Variants in FCHSD2 observed in about 807,000 individuals in gnomAD.
FCHSD2 encodes F-BAR and double SH3 domains protein 2.
FCHSD2 carries 38 observed loss-of-function variants against 108.1 expected under a neutral mutation model. The ratio of observed to expected loss-of-function variants is 0.35; its 90% CI spans 0.27 to 0.46. The LOEUF (loss-of-function observed/expected upper bound fraction) is 0.46. Ranked by LOEUF, FCHSD2 falls within the 20% of genes least tolerant of loss-of-function variation. The pLI is 1.00. For synonymous variants in FCHSD2, 279 were observed against 314.7 expected, an observed-to-expected ratio of 0.89 and a Z score of 1.20; for missense variants, 751 against 897.8, an observed-to-expected ratio of 0.84 and a Z score of 2.09.
intron 8 of FCHSD2, among the ~76,000 whole-genome samples, chr11:72,964,947 A>G (rs1171087318): frequency 2.0e-5 from 3 of 151,574 alleles, no homozygotes; most frequent in Non-Finnish European, 4.4e-5. Context: ...CCGCCACCAC[A>G]CCCGGCTAAT....
intron 8 of FCHSD2, among the ~76,000 whole-genome samples, chr11:72,948,905 T>A (rs1021272398): frequency 6.6e-6 from 1 of 151,942 alleles, no homozygotes; most frequent in African/African-American, 2.4e-5. Flanking sequence ...GACCTCGTGA[T>A]CTGCCCACCT....
intron 3 of FCHSD2, among the ~76,000 whole-genome samples, chr11:73,017,937 A>G (rs1209575918): frequency 1.3e-5 from 2 of 152,216 alleles, no homozygotes; most frequent in African/African-American, 4.8e-5. Flanking sequence ...AATTCTATAA[A>G]GAATTATCCC....
intron 2 of FCHSD2, among the ~76,000 whole-genome samples, chr11:73,096,986 G>GTTTTTTTTTTTT (rs1400831147): frequency 3.1e-4 from 6 of 19,470 alleles, no homozygotes; most frequent in Non-Finnish European, 4.2e-4. Flanking sequence ...TTCATTGATG[G>GTTTTTTTTTTTT]ATTTTTTTTT....
At chr11:72,969,433 G>C (rs146412375) in intron 8 of FCHSD2, among the ~76,000 whole-genome samples, 1 of 152,310 alleles carries the variant, frequency 6.6e-6, no homozygotes, top group Non-Finnish European at 1.5e-5. Context: ...GAGAAAGAAA[G>C]AGAAAAACAC....
intron 2 of FCHSD2, among the ~76,000 whole-genome samples, chr11:73,106,406 C>CAA (rs781338343): frequency 7.7e-5 from 5 of 65,030 alleles, no homozygotes; most frequent in Admixed American, 1.6e-4. Context: ...ACTCTGTCTC[C>CAA]AAAAAAAAAA....
At chr11:73,084,538 ACAC>A (rs1859770126) in intron 2 of FCHSD2, among the ~76,000 whole-genome samples, 1 of 152,126 alleles carries the variant, frequency 6.6e-6, no homozygotes, top group Non-Finnish European at 1.5e-5. Flanking sequence ...CTACAGGTGC[ACAC>A]CACCACATCT....
At chr11:73,129,278 G>A (rs1174784126) in intron 2 of FCHSD2, among the ~76,000 whole-genome samples, 1 of 152,164 alleles carries the variant, frequency 6.6e-6, no homozygotes, top group Admixed American at 6.5e-5. Context: ...CTCTAAACCA[G>A]GGGTCCCCAA....
At chr11:72,994,002 G>A (rs931919860) in intron 5 of FCHSD2, among the ~76,000 whole-genome samples, 1 of 152,130 alleles carries the variant, frequency 6.6e-6, no homozygotes, top group African/African-American at 2.4e-5. Context: ...CAGGGACACT[G>A]GAAGCTCTGT....
At chr11:72,902,400 AATTAT>A in intron 10 of FCHSD2, 138 bp downstream of exon 10, 3 of 515,098 alleles carry the variant, frequency 5.8e-6, no homozygotes, top group Non-Finnish European at 6.8e-6. Flanking sequence ...AAAAAGTCAT[AATTAT>A]TCTGTGTCCT....
chr11:73,054,389 A>G (rs1858972700), intron 3 of FCHSD2, among the ~76,000 whole-genome samples: 1 of 152,182 alleles, frequency 6.6e-6, no homozygotes, highest in Non-Finnish European at 1.5e-5. Flanking sequence ...TAGAAAAAAA[A>G]AAGAAATTTA....
chr11:72,992,194 C>T (rs1187671086), intron 5 of FCHSD2, among the ~76,000 whole-genome samples: 1 of 152,088 alleles, frequency 6.6e-6, no homozygotes, highest in East Asian at 1.9e-4. Flanking sequence ...ACCTAGGAAT[C>T]CAACTTACAA....
chr11:73,057,748 C>T (rs757914028), intron 3 of FCHSD2, among the ~76,000 whole-genome samples: 1 of 152,138 alleles, frequency 6.6e-6, no homozygotes, highest in East Asian at 1.9e-4. Context: ...CAGTCCCTAA[C>T]CCTTTAAATC....
At chr11:72,908,796 A>G (rs890381682) in intron 9 of FCHSD2, among the ~76,000 whole-genome samples, 9 of 151,958 alleles carry the variant, frequency 5.9e-5, no homozygotes, top group Admixed American at 5.9e-4. Context: ...CCTCCTACAG[A>G]CATATGCCAC....
intron 3 of FCHSD2, among the ~76,000 whole-genome samples, chr11:73,039,948 A>C (rs1313913302): frequency 6.6e-6 from 1 of 152,242 alleles, no homozygotes; most frequent in African/African-American, 2.4e-5. Flanking sequence ...CAGTTATAAA[A>C]CTATACCAAA....
chr11:72,967,136 C>T (rs372925366), intron 8 of FCHSD2, among the ~76,000 whole-genome samples: 3 of 150,874 alleles, frequency 2.0e-5, no homozygotes, highest in African/African-American at 7.3e-5. Flanking sequence ...GGAGGCAGAG[C>T]TTGCAGTGAG....
chr11:72,882,333 G>A (rs1855107714), intron 12 of FCHSD2, among the ~76,000 whole-genome samples: 1 of 152,046 alleles, frequency 6.6e-6, no homozygotes, highest in Non-Finnish European at 1.5e-5. Context: ...ACTCCAGCCT[G>A]GGTGACAGAG....
intron 2 of FCHSD2, among the ~76,000 whole-genome samples, chr11:73,099,912 G>A (rs1025574942): frequency 3.9e-5 from 6 of 152,160 alleles, no homozygotes; most frequent in South Asian, 2.1e-4. Flanking sequence ...GCCTCTGCCC[G>A]TCCCTATCCC....
At chr11:73,094,835 A>G (rs548801687) in intron 2 of FCHSD2, among the ~76,000 whole-genome samples, 2 of 152,372 alleles carry the variant, frequency 1.3e-5, no homozygotes, top group East Asian at 3.9e-4. Context: ...CAATAGCACT[A>G]AAATGATGAC....
chr11:73,122,419 C>A (rs1208750249), intron 2 of FCHSD2, among the ~76,000 whole-genome samples: 1 of 152,162 alleles, frequency 6.6e-6, no homozygotes, highest in African/African-American at 2.4e-5. Flanking sequence ...GGTATACAGG[C>A]ATCCCCTCAG....
Sources: gnomAD v4.1 joint callset for allele counts (sites outside exome capture counted in the v4.1 genomes callset) on GRCh38, gnomAD v4.1.1 for gene constraint, MANE v1.5 for transcripts, NCBI Gene and HGNC (gene_info 2026-07-23, HGNC 2026-07-21) for gene names.